Variants in TMEFF2 observed in about 807,000 individuals in gnomAD.
TMEFF2 encodes the protein transmembrane protein with EGF like and two follistatin like domains 2, also known as tomoregulin-2.
A neutral mutation model predicts 53.8 loss-of-function variants in TMEFF2; 28 were observed. That is an observed-to-expected ratio of 0.52 (90% CI 0.39 to 0.71). The LOEUF is 0.71. TMEFF2 is among the 30% of genes least tolerant of loss of function. TMEFF2 has a pLI of 0.00. For synonymous variants in TMEFF2, 162 were observed against 166.3 expected (o/e 0.97, Z 0.20); for missense variants, 353 against 455.2 (o/e 0.78, Z 2.04).
chr2:192,186,741 T>C (rs1304935598), intron 2 of TMEFF2, among the ~76,000 whole-genome samples: 2 of 152,168 alleles, frequency 1.3e-5, no homozygotes, highest in Admixed American at 1.3e-4. Flanking sequence ...TGTATGTAGA[T>C]TATTTGGGTC....
intron 5 of TMEFF2, among the ~76,000 whole-genome samples, chr2:192,008,755 C>T (rs960388186): frequency 1.3e-5 from 2 of 152,160 alleles, no homozygotes. Context: ...TCATATTGAA[C>T]GTTTAAGCAC....
At chr2:192,178,745 A>G (rs1691112805) in intron 4 of TMEFF2, 2 of 151,236 alleles carry the variant, frequency 1.3e-5, no homozygotes, top group Admixed American at 1.3e-4. Context: ...GCCTTCTTTT[A>G]CTTATCTTTT....
chr2:192,098,541 A>G (rs142816690), intron 4 of TMEFF2, among the ~76,000 whole-genome samples: 50 of 152,330 alleles, frequency 3.3e-4, no homozygotes, highest in Non-Finnish European at 6.6e-4. Context: ...AATAAGGGAG[A>G]ACCAAGGTAC....
At chr2:192,180,828 T>G (rs1453713508) in intron 3 of TMEFF2, among the ~76,000 whole-genome samples, 1 of 151,724 alleles carries the variant, frequency 6.6e-6, no homozygotes, top group Non-Finnish European at 1.5e-5. Context: ...TGTCATGTAT[T>G]GGCATTAGCA....
In TMEFF2 at chr2:191,955,167, GAGAGAGGGAGAGA is replaced by G. The variant is rs1574240644; in HGVS notation, c.869+1075_869+1087del. ...GAGGGGGGAGGGAGGAAGAGTGGGAGAGAGAGGGAGAGAGAGAGAGAGAGAGAAATCTTCTGTT... is the reference window on the plus strand; with the variant it reads ...GAGGGGGGAGGGAGGAAGAGTGGGAGGAGAGAGAGAGAGAAATCTTCTGTT... On this transcript the variant is annotated intron_variant, in intron 8 of 9. Transcript: ENST00000272771. Among the ~76,000 whole-genome samples, 13 of 45,098 alleles carry G rather than the reference GAGAGAGGGAGAGA, an allele frequency of 2.9e-4. 2 individuals carry two copies. Among genetic ancestry groups the G allele is most frequent in the East Asian group, 7.0e-4 (1 of 1,420 alleles). 29.6% of individuals were successfully genotyped at this position (45,098 alleles called of 152,430 possible).
intron 3 of TMEFF2, among the ~76,000 whole-genome samples, chr2:192,182,056 C>A (rs1173107847): frequency 1.3e-5 from 2 of 151,584 alleles, no homozygotes; most frequent in Non-Finnish European, 2.9e-5. Flanking sequence ...GCATTTCCTA[C>A]AAGGCAAAAA....
intron 5 of TMEFF2, among the ~76,000 whole-genome samples, chr2:192,026,582 A>G (rs1686975945): frequency 6.6e-6 from 1 of 152,208 alleles, no homozygotes. Flanking sequence ...TATATTGAAT[A>G]AACAGGCAGA....
rs926129107 is a variant in TMEFF2, at chr2:191,971,452, G to A, written c.746-15074C>T. ...TTGAAATAGAAAAAGCACAAAATAG[G>A]TATGTTCAGAGTTGGGAGCGAAATA... On this transcript the variant is annotated intron_variant, in intron 7 of 9. Coordinates refer to ENST00000272771, the MANE Select transcript of TMEFF2 (RefSeq NM_016192.4). 2.6e-5 allele frequency among the ~76,000 whole-genome samples: 4 copies of A among 152,178 alleles called. No individual in the cohort carries two copies. In the South Asian group the frequency reaches 8.3e-4, roughly 32 times the overall value.
chr2:192,010,343 G>A (rs901033801), intron 5 of TMEFF2, among the ~76,000 whole-genome samples: 2 of 152,114 alleles, frequency 1.3e-5, no homozygotes, highest in Non-Finnish European at 2.9e-5. Context: ...TTGCGATGAA[G>A]GACTTTAAGT....
intron 4 of TMEFF2, among the ~76,000 whole-genome samples, chr2:192,151,278 C>A (rs1214759078): frequency 1.3e-5 from 2 of 151,808 alleles, no homozygotes; most frequent in Non-Finnish European, 2.9e-5. Flanking sequence ...AGTGTGAAAA[C>A]AAACTAATAC....
intron 5 of TMEFF2, among the ~76,000 whole-genome samples, chr2:192,027,426 T>C (rs1686998250): frequency 6.6e-6 from 1 of 152,192 alleles, no homozygotes; most frequent in Non-Finnish European, 1.5e-5. Flanking sequence ...CTTAAGGAGA[T>C]TATCACATAG....
intron 7 of TMEFF2, among the ~76,000 whole-genome samples, chr2:191,975,422 CTCCAAACTCAA>C (rs1685693936): frequency 6.6e-6 from 1 of 150,408 alleles, no homozygotes; most frequent in African/African-American, 2.4e-5. Flanking sequence ...CCTCAACTTT[CTCCAAACTCAA>C]ATATCTACAA....
Position 192,044,908 on chromosome 2 carries a change from T to A in TMEFF2, c.536+12771A>T, listed in dbSNP as rs925899520. Reference sequence around the variant, plus strand: ...GAGTGTTGTCTTACTCGCAAAGCCATGAAGTTGGGCATGCACAGCAGCACT... The same window carrying A: ...GAGTGTTGTCTTACTCGCAAAGCCAAGAAGTTGGGCATGCACAGCAGCACT... On this transcript the variant is annotated intron_variant, in intron 5 of 9. Coordinates refer to ENST00000272771, the MANE Select transcript of TMEFF2 (RefSeq NM_016192.4). 2.0e-5 allele frequency among the ~76,000 whole-genome samples: 3 copies of A among 152,172 alleles called. 1 individual carries two copies. The highest frequency in any genetic ancestry group is 6.3e-3 in the Middle Eastern group (2 of 316).
intron 4 of TMEFF2, among the ~76,000 whole-genome samples, chr2:192,063,488 T>C (rs1211373391): frequency 1.3e-5 from 2 of 151,942 alleles, no homozygotes; most frequent in Admixed American, 1.3e-4. Context: ...TATGTCTATC[T>C]TTTTGAGTAT....
intron 5 of TMEFF2, among the ~76,000 whole-genome samples, chr2:192,026,417 G>A (rs767979134): frequency 2.6e-5 from 4 of 152,116 alleles, no homozygotes; most frequent in Non-Finnish European, 4.4e-5. Flanking sequence ...TATTTGATGC[G>A]CATCATCGTT....
chr2:192,132,555 C>A (rs140646068), intron 4 of TMEFF2, among the ~76,000 whole-genome samples: 2 of 151,688 alleles, frequency 1.3e-5, no homozygotes, highest in East Asian at 3.9e-4. Context: ...TCAAGGTGTA[C>A]AATAATGAAA....
chr2:192,115,066 T>C (rs1689369771), intron 4 of TMEFF2, among the ~76,000 whole-genome samples: 1 of 151,944 alleles, frequency 6.6e-6, no homozygotes, highest in African/African-American at 2.4e-5. Flanking sequence ...ATGGCATTTT[T>C]CTCACAGGTA....
At chr2:192,089,655 C>T (rs1688745255) in intron 4 of TMEFF2, among the ~76,000 whole-genome samples, 1 of 152,142 alleles carries the variant, frequency 6.6e-6, no homozygotes, top group South Asian at 2.1e-4. Context: ...CATGTAGCCA[C>T]TATTTGCACT....
chr2:191,989,903 G>A (rs1196108955), intron 7 of TMEFF2, among the ~76,000 whole-genome samples: 1 of 151,968 alleles, frequency 6.6e-6, no homozygotes, highest in African/African-American at 2.4e-5. Flanking sequence ...CTTTCTTCTT[G>A]CATACTGAAA....
Sources: allele counts gnomAD v4.1 joint callset (sites outside exome capture counted in the v4.1 genomes callset), GRCh38; gene constraint gnomAD v4.1.1; transcripts MANE v1.5; gene names NCBI Gene and HGNC (gene_info 2026-07-23, HGNC 2026-07-21).